Variants in CHRM3 observed in about 807,000 individuals in gnomAD.
CHRM3 encodes cholinergic receptor muscarinic 3, also known as muscarinic acetylcholine receptor M3.
In CHRM3, 11 loss-of-function variants were observed where a neutral mutation model predicts 41.8. The observed-to-expected ratio is 0.26, with a 90% confidence interval of 0.17 to 0.44. The LOEUF (loss-of-function observed/expected upper bound fraction) is 0.44, where lower values mean the gene tolerates loss of function less well. CHRM3 is among the 20% of genes least tolerant of loss of function. The probability of loss-of-function intolerance (pLI) is 1.00; values close to 1 mark genes in which losing one functional copy is unlikely to be tolerated. For missense variants in CHRM3, 571 were observed against 745.4 expected (o/e 0.77, Z 2.72); for synonymous variants, 297 against 301.4 (o/e 0.99, Z 0.15).
At position 239,911,957 on chromosome 1, in the gene CHRM3, T is replaced by C. The variant is rs1045650099; in HGVS notation, c.*2733T>C. Reference sequence around the variant, plus strand: ...ACACGTGCATTTCTCAAAGGGCTTGTCATTACAGGAGATATTCAGCACTTA... The same window carrying C: ...ACACGTGCATTTCTCAAAGGGCTTGCCATTACAGGAGATATTCAGCACTTA... On this transcript the variant is annotated 3_prime_UTR_variant, in exon 7 of 7. Transcript: ENST00000676153. 6.0e-6 allele frequency: 1 copy of C among 167,212 alleles called. No homozygotes were observed. 10.4% of individuals were successfully genotyped at this position (167,212 alleles called of 1,614,324 possible). A position where few individuals can be genotyped will look rare whatever the true frequency, so the allele number is the denominator to read the frequency against.
chr1:239,397,597 G>A (rs1003270119), intron 1 of CHRM3, among the ~76,000 whole-genome samples: 9 of 151,540 alleles, frequency 5.9e-5, no homozygotes, highest in African/African-American at 1.9e-4. Flanking sequence ...TCTTGAACCC[G>A]GGAGGCAGAG....
At chr1:239,622,975 T>C (rs1668546960) in intron 3 of CHRM3, among the ~76,000 whole-genome samples, 1 of 151,800 alleles carries the variant, frequency 6.6e-6, no homozygotes, top group South Asian at 2.1e-4. Flanking sequence ...TTTGAAAAAA[T>C]TGCCACAGCC....
At position 239,731,360 on chromosome 1, in the gene CHRM3, G is replaced by A. The variant is rs556254311; in HGVS notation, c.-147+53072G>A. Among the ~76,000 whole-genome samples, 10 of 152,056 alleles carry A rather than the reference G, an allele frequency of 6.6e-5. No homozygotes were observed. In the South Asian group the frequency reaches 1.9e-3, roughly 28 times the overall value. On this transcript the variant is annotated intron_variant, in intron 5 of 6. Transcript: ENST00000676153. ...GGCCTGAGGATATCTACATCAAAGA[G>A]ATGAATAGAGGAAGAAGAATTATAT...
rs1659681566 is a variant in CHRM3, at chr1:239,398,410, AT to A, written c.-521+11188del. Among the ~76,000 whole-genome samples the A allele has an allele frequency of 3.3e-5, 5 of 152,004 alleles. No homozygotes were observed. In the South Asian group the frequency reaches 8.3e-4, roughly 25 times the overall value. On this transcript the variant is annotated intron_variant, in intron 1 of 6. Transcript: ENST00000676153. ...GCCACCACGCCTGGCTAATTTTTGT[AT>A]TTTTGGTAGAAACGGGGTTTCACCA... is the stretch of plus-strand genomic sequence containing the variant.
intron 5 of CHRM3, among the ~76,000 whole-genome samples, chr1:239,689,939 G>A (rs1659541339): frequency 6.6e-6 from 1 of 152,002 alleles, no homozygotes; most frequent in Non-Finnish European, 1.5e-5. Context: ...AGTGAGAGGA[G>A]GTAAGAACTC....
At chr1:239,904,022 C>G (rs1349192652) in intron 6 of CHRM3, among the ~76,000 whole-genome samples, 1 of 152,140 alleles carries the variant, frequency 6.6e-6, no homozygotes, top group Non-Finnish European at 1.5e-5. Flanking sequence ...ATCATCAGCA[C>G]AAATATGAAT....
At chr1:239,900,653 TG>T (rs1679470660) in intron 6 of CHRM3, among the ~76,000 whole-genome samples, 2 of 152,080 alleles carry the variant, frequency 1.3e-5, no homozygotes, top group South Asian at 4.2e-4. Context: ...GTACCTCACC[TG>T]GGCTGTCGAG....
At chr1:239,627,810 T>C (rs1669163030) in intron 3 of CHRM3, among the ~76,000 whole-genome samples, 1 of 150,080 alleles carries the variant, frequency 6.7e-6, no homozygotes, top group Non-Finnish European at 1.5e-5. Context: ...TTCTTTTCTT[T>C]AAGAACGTTG....
chr1:239,566,082 A>AT (rs980500988), intron 3 of CHRM3, among the ~76,000 whole-genome samples: 100 of 145,658 alleles, frequency 6.9e-4, no homozygotes, highest in Middle Eastern at 7.0e-3. Context: ...GCCTGGCTGT[A>AT]TTTTTTTTTT....
chr1:239,785,193 C>T (rs1668793709), intron 5 of CHRM3, among the ~76,000 whole-genome samples: 1 of 152,174 alleles, frequency 6.6e-6, no homozygotes, highest in South Asian at 2.1e-4. Context: ...CTTCCAACCA[C>T]TGCAGTGCAA....
At chr1:239,757,034 G>C (rs1666301829) in intron 5 of CHRM3, among the ~76,000 whole-genome samples, 1 of 152,056 alleles carries the variant, frequency 6.6e-6, no homozygotes, top group Admixed American at 6.6e-5. Context: ...CACGTATCCT[G>C]CTGTAGCCTC....
chr1:239,795,458 C>T (rs949144317), intron 5 of CHRM3, among the ~76,000 whole-genome samples: 3 of 152,170 alleles, frequency 2.0e-5, no homozygotes, highest in African/African-American at 7.2e-5. Context: ...GGGTTAGCAC[C>T]TCAGTGTCTC....
At chr1:239,845,796 G>A (rs942767346) in intron 6 of CHRM3, among the ~76,000 whole-genome samples, 5 of 152,300 alleles carry the variant, frequency 3.3e-5, no homozygotes, top group African/African-American at 1.2e-4. Context: ...CACCATTAAT[G>A]TTTATGTATC....
At chr1:239,585,426 A>G (rs1663308816) in intron 3 of CHRM3, among the ~76,000 whole-genome samples, 1 of 152,148 alleles carries the variant, frequency 6.6e-6, no homozygotes. Context: ...TAAGATTACT[A>G]AAGGAAGTGA....
chr1:239,903,160 AATACT>A (rs964229548), intron 6 of CHRM3, among the ~76,000 whole-genome samples: 49 of 152,174 alleles, frequency 3.2e-4, no homozygotes, highest in African/African-American at 1.0e-3. Flanking sequence ...ATTGGACTAG[AATACT>A]ATTCATTTGG....
At chr1:239,585,230 G>A (rs569394718) in intron 3 of CHRM3, among the ~76,000 whole-genome samples, 1 of 152,158 alleles carries the variant, frequency 6.6e-6, no homozygotes, top group African/African-American at 2.4e-5. Flanking sequence ...AATAATGACT[G>A]GTTGTCCTTC....
At chr1:239,504,684 T>A (rs114485949) in intron 2 of CHRM3, among the ~76,000 whole-genome samples, 1,865 of 152,150 alleles carry the variant, frequency 0.012, 36 homozygotes, top group African/African-American at 0.043. Flanking sequence ...AATCAATGAG[T>A]GTATAAAGAA....
At chr1:239,857,589 G>C (rs1408403257) in intron 6 of CHRM3, among the ~76,000 whole-genome samples, 1 of 152,116 alleles carries the variant, frequency 6.6e-6, no homozygotes, top group Non-Finnish European at 1.5e-5. Context: ...CCTGGAAACT[G>C]AACTACTGTG....
rs373028645 is a variant in CHRM3, at chr1:239,910,342, C to CA, written c.*1129dup. 0.01 allele frequency: 1,447 copies of CA among 142,618 alleles called. 7 individuals are homozygous for CA. Among genetic ancestry groups the CA allele is most frequent in the African/African-American group, 0.012 (423 of 36,184 alleles). The allele number at this position is 142,618 out of a possible 1,614,324, so 8.8% of individuals were successfully genotyped here. On this transcript the variant is annotated 3_prime_UTR_variant, in exon 7 of 7. Coordinates refer to ENST00000676153, the MANE Select transcript of CHRM3 (RefSeq NM_001375978.1). ...GTGTATATATATATATATGGCAAAG[C>CA]AAAAAAAAAAACATGGTAAGAGAGA...
Sources: allele counts gnomAD v4.1 joint callset (sites outside exome capture counted in the v4.1 genomes callset), GRCh38; gene constraint gnomAD v4.1.1; transcripts MANE v1.5; gene names NCBI Gene and HGNC (gene_info 2026-07-23, HGNC 2026-07-21).